ROR1: variants seen among roughly 807,000 people sequenced by gnomAD.
The protein encoded by ROR1 is inactive tyrosine-protein kinase transmembrane receptor ROR1.
ROR1 carries 19 observed loss-of-function variants against 78.8 expected under a neutral mutation model. The ratio of observed to expected loss-of-function variants is 0.24; its 90% CI spans 0.17 to 0.35. The LOEUF is 0.35. ROR1 is among the 10% of genes least tolerant of loss of function. The pLI is 1.00. For missense variants in ROR1, 917 were observed against 1,177.8 expected (o/e 0.78, Z 3.24); for synonymous variants, 386 against 433.6 (o/e 0.89, Z 1.36).
chr1:63,966,409 G>T (rs1245436068), intron 1 of ROR1, among the ~76,000 whole-genome samples: 1 of 152,206 alleles, frequency 6.6e-6, no homozygotes, highest in African/African-American at 2.4e-5. Flanking sequence ...ATTGTAGATG[G>T]ACGCTTTTGA....
At chr1:63,820,441 T>C (rs1202019473) in intron 1 of ROR1, among the ~76,000 whole-genome samples, 3 of 152,240 alleles carry the variant, frequency 2.0e-5, no homozygotes, top group Non-Finnish European at 4.4e-5. Context: ...GTTTTGCTTT[T>C]AGTTTATGGA....
chr1:64,065,003 A>G (rs933989845), intron 4 of ROR1, among the ~76,000 whole-genome samples: 4 of 152,202 alleles, frequency 2.6e-5, no homozygotes, highest in Non-Finnish European at 5.9e-5. Context: ...CTTTATCATA[A>G]CAAGCACTTT....
chr1:64,065,276 C>T (rs1149264), intron 4 of ROR1, among the ~76,000 whole-genome samples: 95,223 of 152,086 alleles, frequency 0.63, 32,636 homozygotes, highest in East Asian at 0.9. Flanking sequence ...TGAGCCCATG[C>T]AGGTGGACTC....
chr1:63,799,684 G>T (rs1644784010), intron 1 of ROR1, among the ~76,000 whole-genome samples: 1 of 151,608 alleles, frequency 6.6e-6, no homozygotes, highest in African/African-American at 2.4e-5. Context: ...CACTCTTTTG[G>T]GATTATTTGT....
At chr1:63,857,018 T>A (rs1490620033) in intron 1 of ROR1, among the ~76,000 whole-genome samples, 1 of 152,204 alleles carries the variant, frequency 6.6e-6, no homozygotes, top group Admixed American at 6.5e-5. Flanking sequence ...ACAGGGAATG[T>A]CTTTAATCTC....
chr1:63,996,792 G>A (rs1171260462), intron 1 of ROR1, among the ~76,000 whole-genome samples: 1 of 152,134 alleles, frequency 6.6e-6, no homozygotes, highest in Non-Finnish European at 1.5e-5. Context: ...CTGGGAAAGG[G>A]ACTTTACCAG....
At chr1:64,086,894 G>T (rs1747912) in intron 4 of ROR1, among the ~76,000 whole-genome samples, 29,446 of 152,038 alleles carry the variant, frequency 0.19, 3,636 homozygotes, top group African/African-American at 0.36. Flanking sequence ...TTTTACAGTT[G>T]AGGAAATTGT....
intron 1 of ROR1, among the ~76,000 whole-genome samples, chr1:63,797,676 T>A (rs1644769630): frequency 6.6e-6 from 1 of 152,188 alleles, no homozygotes; most frequent in South Asian, 2.1e-4. Context: ...TTTTGAATAT[T>A]GTATCTCAGG....
intron 1 of ROR1, among the ~76,000 whole-genome samples, chr1:63,818,005 G>C (rs889871327): frequency 2.3e-4 from 35 of 152,154 alleles, no homozygotes; most frequent in African/African-American, 8.0e-4. Context: ...TTATCAGTGA[G>C]GCACTTTACA....
At chr1:63,970,332 T>C (rs1646109277) in intron 1 of ROR1, among the ~76,000 whole-genome samples, 1 of 152,192 alleles carries the variant, frequency 6.6e-6, no homozygotes, top group South Asian at 2.1e-4. Flanking sequence ...TTCTAGAATC[T>C]AGCCCAGTAA....
chr1:64,022,888 A>G (rs1331119814), intron 2 of ROR1, among the ~76,000 whole-genome samples: 1 of 152,080 alleles, frequency 6.6e-6, no homozygotes, highest in Non-Finnish European at 1.5e-5. Flanking sequence ...TGATGTTGAC[A>G]TTGCTGTTTT....
In ROR1 at chr1:63,805,492, T is replaced by G. The variant is rs188897260; in HGVS notation, c.91+30984T>G. ...GCACTATAAAAAAGTATAATGCAGTTTATAAATGATTGCTCCTAATGCATC... is the reference window on the plus strand; with the variant it reads ...GCACTATAAAAAAGTATAATGCAGTGTATAAATGATTGCTCCTAATGCATC... On this transcript the variant is annotated intron_variant, in intron 1 of 8. Transcript: ENST00000371079. Among the ~76,000 whole-genome samples, 3 of 152,332 alleles carry G rather than the reference T, an allele frequency of 2.0e-5. No homozygotes were observed. In the East Asian group the frequency reaches 5.8e-4, roughly 29 times the overall value.
chr1:63,956,466 G>T (rs1306833904), intron 1 of ROR1, among the ~76,000 whole-genome samples: 4 of 152,200 alleles, frequency 2.6e-5, no homozygotes, highest in Middle Eastern at 3.2e-3. Flanking sequence ...GTGAGTTAAC[G>T]CAGGTGAAGG....
At chr1:63,799,542 T>TC (rs997328644) in intron 1 of ROR1, among the ~76,000 whole-genome samples, 10 of 152,226 alleles carry the variant, frequency 6.6e-5, no homozygotes, top group African/African-American at 1.9e-4. Context: ...TCTGCTTTTT[T>TC]CCCATTTGTT....
intron 4 of ROR1, among the ~76,000 whole-genome samples, chr1:64,051,458 AAAAT>A (rs199966479): frequency 0.13 from 2,874 of 21,598 alleles, 149 homozygotes; most frequent in East Asian, 0.38. Context: ...TCAAAAATAA[AAAAT>A]AAAATAAAAT....
At chr1:63,892,738 C>A (rs1188370416) in intron 1 of ROR1, among the ~76,000 whole-genome samples, 1 of 152,136 alleles carries the variant, frequency 6.6e-6, no homozygotes, top group Non-Finnish European at 1.5e-5. Context: ...GGACAAGTTG[C>A]CAACCTTCTC....
intron 1 of ROR1, among the ~76,000 whole-genome samples, chr1:63,860,236 AT>A (rs1409130410): frequency 6.6e-6 from 1 of 152,178 alleles, no homozygotes; most frequent in African/African-American, 2.4e-5. Context: ...TAGCTGTTCA[AT>A]AAAACTTTAT....
intron 4 of ROR1, among the ~76,000 whole-genome samples, chr1:64,128,291 C>CAAAAAAAAAAAAAA (rs72429774): frequency 9.9e-6 from 1 of 101,276 alleles, no homozygotes; most frequent in Non-Finnish European, 1.8e-5. Flanking sequence ...CCTGTCTCTA[C>CAAAAAAAAAAAAAA]AAAAAAAAAA....
At chr1:63,778,208 G>A (rs1209507147) in intron 1 of ROR1, among the ~76,000 whole-genome samples, 2 of 152,196 alleles carry the variant, frequency 1.3e-5, no homozygotes, top group African/African-American at 2.4e-5. Context: ...CCAGCCAAGA[G>A]GTGAGTGCGT....
Sources: allele counts gnomAD v4.1 joint callset (sites outside exome capture counted in the v4.1 genomes callset), GRCh38; gene constraint gnomAD v4.1.1; transcripts MANE v1.5; gene names NCBI Gene and HGNC (gene_info 2026-07-23, HGNC 2026-07-21).